Variants in UNC93A observed in about 807,000 individuals in gnomAD.
UNC93A encodes unc-93 homolog A, also known as N-acetylglucosamine transporter UNC93A.
A neutral mutation model predicts 47.5 loss-of-function variants in UNC93A; 43 were observed. The observed-to-expected ratio is 0.91, with a 90% CI of 0.71 to 1.17. UNC93A has a LOEUF of 1.17. Among genes scored for constraint, UNC93A ranks in the 50% most tolerant of loss-of-function variants. The pLI is 0.00. For missense variants in UNC93A, 605 were observed against 577.6 expected (o/e 1.05, Z -0.49); for synonymous variants, 280 against 258.0 (o/e 1.09, Z -0.82).
chr6:167,281,542 G>A (rs1156259474), intron 1 of UNC93A, among the ~76,000 whole-genome samples: 4 of 152,194 alleles, frequency 2.6e-5, no homozygotes, highest in Non-Finnish European at 5.9e-5. Context: ...GATGCACGTG[G>A]GGAGGAGAGA....
Position 167,298,034 on chromosome 6 carries a change from C to T in UNC93A, c.589C>T (p.Gln197Ter). The T allele has an allele frequency of 6.2e-7, 1 of 1,613,718 alleles. No homozygotes were observed. Among genetic ancestry groups the T allele is most frequent in the Non-Finnish European group, 8.5e-7 (1 of 1,179,908 alleles). ...CACCAACAGCACCCAGAGGCCCTCCCAGCAGCTGGTCTACACCCTCCTGGG... is the reference window on the plus strand; with the variant it reads ...CACCAACAGCACCCAGAGGCCCTCCTAGCAGCTGGTCTACACCCTCCTGGG... Reference protein sequence around the residue: ...TTTNSTQRPSQQLVYTLLGIY... With the variant: ...TTTNSTQRPS The change falls in exon 4 of 8, where the codon CAG becomes TAG. Residue 197 changes from glutamine (Q) to a stop codon, truncating the protein, a stop_gained. Transcript: ENST00000230256. LOFTEE classifies it high-confidence loss of function.
rs185968958 is a variant in UNC93A, at chr6:167,296,315, A to T, written c.499+54A>T. 71 of 1,580,066 alleles carry T rather than the reference A, an allele frequency of 4.5e-5. 1 individual carries two copies. The African/African-American group carries it at 9.3e-4, about 21-fold the overall frequency. On this transcript the variant is annotated intron_variant, in intron 3 of 7. Coordinates refer to ENST00000230256, the MANE Select transcript of UNC93A (RefSeq NM_018974.4). ...TCCAAGTGGAGCAGGGGTTTCAGTG[A>T]TGGGGGAGAGGGTTCCTGATTTCAG...
chr6:167,313,301 CTCTT>C (rs1339774129), intron 7 of UNC93A, among the ~76,000 whole-genome samples: 6 of 152,176 alleles, frequency 3.9e-5, no homozygotes, highest in Admixed American at 6.5e-5. Flanking sequence ...AGCTCTTTCT[CTCTT>C]TGTTGTAGAT....
chr6:167,299,170 A>G (rs1778173335), intron 4 of UNC93A, among the ~76,000 whole-genome samples: 1 of 144,188 alleles, frequency 6.9e-6, no homozygotes, highest in Non-Finnish European at 1.5e-5. Context: ...ATATGCATGT[A>G]CATATACATA....
At chr6:167,299,918 G>A (rs186863660) in intron 4 of UNC93A, among the ~76,000 whole-genome samples, 403 of 152,308 alleles carry the variant, frequency 2.6e-3, no homozygotes, top group Admixed American at 6.8e-3. Context: ...ATGCCAGCGT[G>A]ACTTAGAGGT....
upstream of UNC93A, among the ~76,000 whole-genome samples, chr6:167,287,263 C>T (rs562490883): frequency 7.9e-5 from 12 of 152,254 alleles, 1 homozygote; most frequent in East Asian, 2.3e-3. Flanking sequence ...TTCATAGAAA[C>T]GGCTGCTGAG....
intron 1 of UNC93A, among the ~76,000 whole-genome samples, chr6:167,280,655 G>A (rs955820134): frequency 3.3e-5 from 5 of 152,180 alleles, no homozygotes; most frequent in African/African-American, 1.2e-4. Flanking sequence ...TCCCTTTGCT[G>A]GCTGGAACCT....
intron 7 of UNC93A, among the ~76,000 whole-genome samples, chr6:167,310,438 G>A (rs1176043790): frequency 2.0e-5 from 3 of 152,262 alleles, no homozygotes; most frequent in Non-Finnish European, 4.4e-5. Context: ...GTTGAATTGT[G>A]CAAACAAAGT....
chr6:167,309,454 C>T (rs1365455514), intron 7 of UNC93A, among the ~76,000 whole-genome samples: 2 of 152,060 alleles, frequency 1.3e-5, no homozygotes, highest in African/African-American at 4.8e-5. Context: ...AGAGGCAAGA[C>T]TGCGTGTCTA....
At chr6:167,289,086 T>C (rs1028634230), upstream of UNC93A, among the ~76,000 whole-genome samples, 2 of 152,302 alleles carry the variant, frequency 1.3e-5, no homozygotes, top group African/African-American at 4.8e-5. Flanking sequence ...GGCCAGGCCA[T>C]GGCTCCAGTG....
At position 167,292,418 on chromosome 6, in the gene UNC93A, A is replaced by G. The variant is rs527329092; in HGVS notation, c.87+842A>G. On this transcript the variant is annotated intron_variant, in intron 1 of 7. Coordinates refer to ENST00000230256, the MANE Select transcript of UNC93A (RefSeq NM_018974.4). ...TGTGTGCATAGTATGGAACCAGAAAAGCACACCTGGGAACTCAGAATCCGA... is the reference window on the plus strand; with the variant it reads ...TGTGTGCATAGTATGGAACCAGAAAGGCACACCTGGGAACTCAGAATCCGA... Among the ~76,000 whole-genome samples the G allele has an allele frequency of 9.2e-5, 14 of 152,352 alleles. No homozygotes were observed. The East Asian group carries it at 1.5e-3, about 17-fold the overall frequency.
rs747179462 is a variant in UNC93A, at chr6:167,296,236, G to A, written c.474G>A (p.Leu158=). Residue 158 remains leucine, a synonymous_variant, in exon 3 of 8, where the codon CTG becomes CTA. Transcript: ENST00000230256. The stretch of plus-strand genomic sequence containing the variant: ...TGTGGGGCAACTTGATCTCATCGCT[G>A]GTATTTGGCCAGACTCCCAGCCAAG... The part of the protein sequence containing the change: ...SGVWGNLISS[L]VFGQTPSQET... 2 of 1,614,184 alleles carry A rather than the reference G, an allele frequency of 1.2e-6. No homozygotes were observed. Among genetic ancestry groups the A allele is most frequent in the East Asian group, 4.5e-5 (2 of 44,884 alleles).
chr6:167,272,524 A>G (rs1583055676), intron 1 of UNC93A, among the ~76,000 whole-genome samples: 1 of 152,336 alleles, frequency 6.6e-6, no homozygotes, highest in East Asian at 1.9e-4. Flanking sequence ...TCCTGAGAAC[A>G]TGTGCCCAAG....
At chr6:167,303,865 G>A (rs1778307518) in intron 4 of UNC93A, 54 bp from the exon 5 acceptor site, 2 of 1,579,322 alleles carry the variant, frequency 1.3e-6, no homozygotes, top group South Asian at 1.1e-5. Context: ...TCCTTGCCAG[G>A]CACCCTGCCT....
Position 167,296,114 on chromosome 6 carries a change from A to G in UNC93A, c.352A>G (p.Thr118Ala), listed in dbSNP as rs142972899. Residue 118 changes from threonine to alanine, a missense_variant, in exon 3 of 8, where the codon ACG (threonine) becomes GCG (alanine). By Grantham distance (58) the Thr-to-Ala change is moderately conservative. Transcript: ENST00000230256. ...WSAQCTYLTITGNTHAEKAGK... is the reference protein window; with the variant it reads ...WSAQCTYLTIAGNTHAEKAGK... ...TGCACAGTGCACATACCTCACGATC[A>G]CGGGAAACACACATGCAGAGAAGGC... is the stretch of plus-strand genomic sequence containing the variant. 41 of 1,614,094 alleles carry G rather than the reference A, an allele frequency of 2.5e-5. No individual in the cohort carries two copies. The African/African-American group carries it at 5.5e-4, about 22-fold the overall frequency.
intron 1 of UNC93A, among the ~76,000 whole-genome samples, chr6:167,294,281 C>A (rs574674818): frequency 8.5e-5 from 13 of 152,320 alleles, no homozygotes; most frequent in Admixed American, 8.5e-4. Flanking sequence ...CGCAAGCACT[C>A]ACAGGGGTGC....
upstream of UNC93A, among the ~76,000 whole-genome samples, chr6:167,287,381 A>G (rs951059135): frequency 9.9e-5 from 15 of 152,044 alleles, no homozygotes; most frequent in Non-Finnish European, 1.3e-4. Context: ...GTACCACCCC[A>G]TACTCCCTAT....
intron 5 of UNC93A, among the ~76,000 whole-genome samples, chr6:167,305,423 T>C (rs1778357211): frequency 1.3e-5 from 2 of 152,324 alleles, no homozygotes; most frequent in South Asian, 4.1e-4. Context: ...CTGTTCTGCG[T>C]GCCCGCCCTT....
At chr6:167,310,273 A>G (rs1053085727) in intron 7 of UNC93A, among the ~76,000 whole-genome samples, 1 of 152,294 alleles carries the variant, frequency 6.6e-6, no homozygotes, top group Non-Finnish European at 1.5e-5. Context: ...ACACTGGGAC[A>G]AATATCCCCA....
Sources: allele counts gnomAD v4.1 joint callset (sites outside exome capture counted in the v4.1 genomes callset), GRCh38; gene constraint gnomAD v4.1.1; transcripts MANE v1.5; gene names NCBI Gene and HGNC (gene_info 2026-07-23, HGNC 2026-07-21).